PSD3: variants seen among roughly 807,000 people sequenced by gnomAD.
The protein encoded by PSD3 is PH and SEC7 domain-containing protein 3.
PSD3 carries 49 observed loss-of-function variants against 105.5 expected under a neutral mutation model. The ratio of observed to expected loss-of-function variants is 0.46; its 90% CI spans 0.37 to 0.59. PSD3 has a LOEUF of 0.59. PSD3 is among the 20% of genes least tolerant of loss of function. The pLI is 0.00. For missense variants in PSD3, 1,561 were observed against 1,263.8 expected, an observed-to-expected ratio of 1.24 and a Z score of -3.57; for synonymous variants, 557 against 457.8, an observed-to-expected ratio of 1.22 and a Z score of -2.77.
intron 9 of PSD3, among the ~76,000 whole-genome samples, chr8:18,702,601 G>GGT (rs1406281026): frequency 6.6e-6 from 1 of 151,830 alleles, no homozygotes; most frequent in Non-Finnish European, 1.5e-5. Flanking sequence ...TCTAGCTATA[G>GGT]GTACTCTTTC....
At chr8:18,870,413 G>A (rs1586281086) in intron 3 of PSD3, among the ~76,000 whole-genome samples, 1 of 149,618 alleles carries the variant, frequency 6.7e-6, no homozygotes, top group South Asian at 2.1e-4. Flanking sequence ...GGAAAGACCA[G>A]GAAATACCAC....
At chr8:18,698,434 A>G (rs1488986478) in intron 9 of PSD3, among the ~76,000 whole-genome samples, 1 of 152,134 alleles carries the variant, frequency 6.6e-6, no homozygotes, top group Non-Finnish European at 1.5e-5. Context: ...GCGTTCTTAC[A>G]AAAGAGGTTG....
chr8:18,815,843 C>G lies in PSD3; in HGVS notation c.1635-10945G>C, dbSNP rs374686118. 8.2e-4 allele frequency among the ~76,000 whole-genome samples: 125 copies of G among 152,304 alleles called. 2 individuals are homozygous for G. The South Asian group carries it at 0.026, about 31-fold the overall frequency. ...AGCCTGACAACATATCCTCTCTACACTGAGTTTCCCCTAAGTGCTACCTAC... is the reference window on the plus strand; with the variant it reads ...AGCCTGACAACATATCCTCTCTACAGTGAGTTTCCCCTAAGTGCTACCTAC... On this transcript the variant is annotated intron_variant, in intron 4 of 15. Transcript: ENST00000327040.
At chr8:18,956,531 A>T (rs547093706) in intron 1 of PSD3, among the ~76,000 whole-genome samples, 1 of 152,298 alleles carries the variant, frequency 6.6e-6, no homozygotes, top group Admixed American at 6.5e-5. Flanking sequence ...CAATTTAAGG[A>T]AAGGGGTGTG....
intron 2 of PSD3, among the ~76,000 whole-genome samples, chr8:18,908,941 CACAAA>C (rs1820023209): frequency 6.6e-6 from 1 of 152,190 alleles, no homozygotes; most frequent in Non-Finnish European, 1.5e-5. Context: ...TGCAGCCACA[CACAAA>C]ACAAGAGTCT....
At position 18,631,838 on chromosome 8, in the gene PSD3, C is replaced by A. The variant is rs529584406; in HGVS notation, c.2410+775G>T. Among the ~76,000 whole-genome samples, 3 of 152,046 alleles carry A rather than the reference C, an allele frequency of 2.0e-5. No homozygotes were observed. The South Asian group carries it at 6.2e-4, about 32-fold the overall frequency. On this transcript the variant is annotated intron_variant, in intron 11 of 15. Transcript: ENST00000327040. Reference sequence around the variant, plus strand: ...ATGCTAACACATTAAGAAAAAGGATCCAGCTACAGATAGAAACAGTGGTAC... The same window carrying A: ...ATGCTAACACATTAAGAAAAAGGATACAGCTACAGATAGAAACAGTGGTAC...
chr8:18,593,181 C>T (rs567014121), intron 12 of PSD3, among the ~76,000 whole-genome samples: 152 of 152,134 alleles, frequency 1.0e-3, no homozygotes, highest in Middle Eastern at 6.8e-3. Flanking sequence ...TCAGAGTGAA[C>T]ACGCAACCTA....
intron 1 of PSD3, among the ~76,000 whole-genome samples, chr8:18,938,379 T>C (rs1442993041): frequency 6.6e-6 from 1 of 152,040 alleles, no homozygotes; most frequent in Non-Finnish European, 1.5e-5. Context: ...CTTAGCACTC[T>C]GGGAGGCTGG....
At chr8:18,645,130 C>G (rs1287387218) in intron 10 of PSD3, among the ~76,000 whole-genome samples, 1 of 152,228 alleles carries the variant, frequency 6.6e-6, no homozygotes, top group African/African-American at 2.4e-5. Context: ...GCCCTTTTCC[C>G]TTATGACCTA....
intron 9 of PSD3, among the ~76,000 whole-genome samples, chr8:18,739,244 C>T (rs1804380891): frequency 6.6e-6 from 1 of 152,052 alleles, no homozygotes; most frequent in Non-Finnish European, 1.5e-5. Flanking sequence ...GATTCCCCCA[C>T]AAAAATATAG....
At chr8:18,554,139 C>A (rs1199804025) in intron 15 of PSD3, among the ~76,000 whole-genome samples, 2 of 152,110 alleles carry the variant, frequency 1.3e-5, no homozygotes, top group Non-Finnish European at 2.9e-5. Flanking sequence ...TTGCAGCCAC[C>A]CCCCACCTCC....
At position 18,528,190 on chromosome 8, in the gene PSD3, G is replaced by A. The variant is rs1346402093; in HGVS notation, c.*7553C>T. 1 of 152,148 alleles carries A rather than the reference G, an allele frequency of 6.6e-6. No individual in the cohort carries two copies. Among genetic ancestry groups the A allele is most frequent in the Non-Finnish European group, 1.5e-5 (1 of 68,050 alleles). The allele number at this position is 152,148 out of a possible 1,614,324, so 9.4% of individuals were successfully genotyped here. A position where few individuals can be genotyped will look rare whatever the true frequency, so the allele number is the denominator to read the frequency against. ...TTGAGATATAAGAGACTGCAGGGAGGTGGTTAGGCCTTTACCTAACAGCTC... is the reference window on the plus strand; with the variant it reads ...TTGAGATATAAGAGACTGCAGGGAGATGGTTAGGCCTTTACCTAACAGCTC... On this transcript the variant is annotated 3_prime_UTR_variant, in exon 16 of 16. Transcript: ENST00000327040.
intron 9 of PSD3, among the ~76,000 whole-genome samples, chr8:18,758,731 C>T (rs1160938516): frequency 6.6e-6 from 1 of 152,066 alleles, no homozygotes; most frequent in Non-Finnish European, 1.5e-5. Flanking sequence ...TGGCTAATTA[C>T]TCCATCATTT....
intron 1 of PSD3, among the ~76,000 whole-genome samples, chr8:19,073,645 T>C (rs1829348251): frequency 6.8e-6 from 1 of 146,596 alleles, no homozygotes; most frequent in Admixed American, 6.8e-5. Flanking sequence ...GAAAAGCCAA[T>C]CTGTACAGGA....
intron 9 of PSD3, among the ~76,000 whole-genome samples, chr8:18,732,240 T>A (rs1015712698): frequency 1.3e-5 from 2 of 151,900 alleles, no homozygotes; most frequent in Non-Finnish European, 2.9e-5. Flanking sequence ...AACGAACTCG[T>A]ACTAAAACAA....
chr8:18,801,271 T>C lies in PSD3; in HGVS notation c.2022A>G (p.Gln674=). ...ATTCAAGGATTTGTATCAGATTACC[T>C]TGTGAAGCAATGGTATCTGGGTTAC... is the stretch of plus-strand genomic sequence containing the variant. The part of the protein sequence containing the change: ...FYCNPDTIAS[Q]DGVHCLTCAI... Residue 674 remains glutamine, a splice_region_variant and synonymous_variant, in exon 7 of 16, where the codon CAA becomes CAG. Transcript: ENST00000327040. The C allele has an allele frequency of 2.0e-6, 3 of 1,536,638 alleles. No homozygotes were observed. Among genetic ancestry groups the C allele is most frequent in the Non-Finnish European group, 2.7e-6 (3 of 1,118,250 alleles).
At chr8:18,843,173 C>A (rs1814793094) in intron 4 of PSD3, among the ~76,000 whole-genome samples, 1 of 151,754 alleles carries the variant, frequency 6.6e-6, no homozygotes, top group Admixed American at 6.6e-5. Context: ...ATCCTGGCTA[C>A]CACGGTGAAA....
chr8:18,872,001 C>A lies in PSD3; in HGVS notation c.863G>T (p.Ser288Ile). The change falls in exon 3 of 16, where the codon AGC becomes ATC. Residue 288 changes from serine (S) to isoleucine (I), a missense_variant. Ser to Ile is a moderately radical substitution (Grantham distance 142). Coordinates refer to ENST00000327040, the MANE Select transcript of PSD3 (RefSeq NM_015310.4). The stretch of plus-strand genomic sequence containing the variant: ...GACCCGGCCTGGGCGTCCCATGGAG[C>A]TGCTTCGATCACATCCCCCTGGGTG... ...REHPGGCDRS[S>I]SMGRPGRVKH... 2 of 1,614,162 alleles carry A rather than the reference C, an allele frequency of 1.2e-6. No homozygotes were observed. The highest frequency in any genetic ancestry group is 1.7e-6 in the Non-Finnish European group (2 of 1,180,024).
intron 1 of PSD3, among the ~76,000 whole-genome samples, chr8:19,057,361 A>G (rs1195146942): frequency 1.3e-5 from 2 of 152,106 alleles, no homozygotes; most frequent in Non-Finnish European, 1.5e-5. Context: ...CCTCTTGTCA[A>G]GGTCTCCACA....
Sources: allele counts gnomAD v4.1 joint callset (sites outside exome capture counted in the v4.1 genomes callset), GRCh38; gene constraint gnomAD v4.1.1; transcripts MANE v1.5; gene names NCBI Gene and HGNC (gene_info 2026-07-23, HGNC 2026-07-21).